Variants in GOLGA6L2 observed in about 807,000 individuals in gnomAD.
The protein encoded by GOLGA6L2 is golgin subfamily A member 6-like protein 2.
GOLGA6L2 carries 30 observed loss-of-function variants against 35.9 expected under a neutral mutation model. The observed-to-expected ratio is 0.83, with a 90% CI of 0.62 to 1.13. GOLGA6L2 has a LOEUF of 1.13. GOLGA6L2 is among the 50% of genes most tolerant of loss of function. GOLGA6L2 has a pLI of 0.00. For missense variants in GOLGA6L2, 821 were observed against 973.4 expected (o/e 0.84, Z 2.08); for synonymous variants, 297 against 344.0 (o/e 0.86, Z 1.51).
Position 23,446,880 on chromosome 15 carries a change from C to T in GOLGA6L2, c.84+218G>A, listed in dbSNP as rs528093487. Among the ~76,000 whole-genome samples, 263 of 152,034 alleles carry T rather than the reference C, an allele frequency of 1.7e-3. 8 individuals are homozygous for T. The highest frequency in any genetic ancestry group is 0.016 in the Admixed American group (248 of 15,290). The stretch of plus-strand genomic sequence containing the variant: ...ACGGAGTGGAGAGCCCCAGGGTTCA[C>T]CGGCTCAGTCACCCTGGGGTCACTG... On this transcript the variant is annotated intron_variant, in intron 1 of 7. Coordinates refer to ENST00000567107, the MANE Select transcript of GOLGA6L2 (RefSeq NM_001304388.2).
At position 23,439,447 on chromosome 15, in the gene GOLGA6L2, CTTTTTTTTTTT is replaced by C. The variant is rs74627979; in HGVS notation, c.*287_*297del. 3 of 417,646 alleles carry C rather than the reference CTTTTTTTTTTT, an allele frequency of 7.2e-6. No individual in the cohort carries two copies. Among genetic ancestry groups the C allele is most frequent in the Non-Finnish European group, 1.2e-5 (3 of 257,854 alleles). 25.9% of individuals were successfully genotyped at this position (417,646 alleles called of 1,614,324 possible). On this transcript the variant is annotated 3_prime_UTR_variant, in exon 8 of 8. Transcript: ENST00000567107. Reference sequence around the variant, plus strand: ...CACAATTTAAAGTAAATTTTCTTTTCTTTTTTTTTTTTTTTTTCAAGTTTGTGCTCAGACTA... The same window carrying C: ...CACAATTTAAAGTAAATTTTCTTTTCTTTTTTCAAGTTTGTGCTCAGACTA...
intron 5 of GOLGA6L2, among the ~76,000 whole-genome samples, chr15:23,443,081 T>A (rs1459971482): frequency 1.3e-5 from 2 of 152,198 alleles, no homozygotes; most frequent in Non-Finnish European, 2.9e-5. Context: ...ATTGTATAGA[T>A]GCAAAACATG....
At position 23,443,937 on chromosome 15, in the gene GOLGA6L2, G is replaced by A. The variant is rs778339040; in HGVS notation, c.431C>T (p.Ser144Leu). ...CAAAGGACTCCCCCTAAAGGCCTGT[G>A]AAAGTGCCAGGTTGAAGGATGATGG... Reference protein sequence around the residue: ...GTPSSFNLALSQAFRGSPLGC... With the variant: ...GTPSSFNLALLQAFRGSPLGC... The change falls in exon 5 of 8, where the codon TCA becomes TTA. Residue 144 changes from serine to leucine, a missense_variant. Ser to Leu is a moderately radical substitution (Grantham distance 145, BLOSUM62 -2). Coordinates refer to ENST00000567107, the MANE Select transcript of GOLGA6L2 (RefSeq NM_001304388.2). The A allele has an allele frequency of 6.4e-7, 1 of 1,557,256 alleles. No individual in the cohort carries two copies. Among genetic ancestry groups the A allele is most frequent in the Non-Finnish European group, 8.6e-7 (1 of 1,157,998 alleles).
At chr15:23,444,319 G>A in intron 3 of GOLGA6L2, 107 bp from the exon 4 acceptor site, 1 of 1,484,244 alleles carries the variant, frequency 6.7e-7, no homozygotes, top group Non-Finnish European at 9.3e-7. Flanking sequence ...GCACCCATGG[G>A]ACCAGGTTAT....
At chr15:23,446,850 G>A (rs77168685) in intron 1 of GOLGA6L2, among the ~76,000 whole-genome samples, 4,613 of 152,054 alleles carry the variant, frequency 0.03, 237 homozygotes, top group African/African-American at 0.1. Flanking sequence ...AGGTGAGGGC[G>A]GAGTACGGAG....
chr15:23,447,197 G>C lies in GOLGA6L2; in HGVS notation c.-16C>G, dbSNP rs577670756. ...GGGGCCACATCAGCGTGATTCAGAC[G>C]AGGACAAGGATACACCTCCAGTCAC... On this transcript the variant is annotated 5_prime_UTR_variant, in exon 1 of 8. Transcript: ENST00000567107. The C allele has an allele frequency of 1.4e-6, 2 of 1,451,372 alleles. No individual in the cohort carries two copies. Among genetic ancestry groups the C allele is most frequent in the Non-Finnish European group, 1.9e-6 (2 of 1,034,922 alleles). 89.9% of individuals were successfully genotyped at this position (1,451,372 alleles called of 1,614,324 possible). A position where few individuals can be genotyped will look rare whatever the true frequency, so the allele number is the denominator to read the frequency against.
Position 23,442,485 on chromosome 15 carries a change from C to T in GOLGA6L2, c.615G>A (p.Glu205=), listed in dbSNP as rs770254529. 278 of 1,596,360 alleles carry T rather than the reference C, an allele frequency of 1.7e-4. No homozygotes were observed. Among genetic ancestry groups the T allele is most frequent in the Non-Finnish European group, 2.3e-4 (268 of 1,178,454 alleles). Residue 205 remains glutamate, a synonymous_variant, in exon 6 of 8, where the codon GAG becomes GAA. Transcript: ENST00000567107. The part of the protein sequence containing the change: ...ADRYIEELTK[E]RDALSLELYR... ...ACAGTTCCAGACTCAGGGCGTCCCT[C>T]TCCTTTGTTAACTCCTCGATGTACT... is the stretch of plus-strand genomic sequence containing the variant.
In GOLGA6L2 at chr15:23,447,230, G is replaced by A. The variant is rs186634754; in HGVS notation, c.-49C>T. The A allele has an allele frequency of 5.1e-3, 5,413 of 1,053,532 alleles. 50 individuals are homozygous for A. Among genetic ancestry groups the A allele is most frequent in the South Asian group, 0.013 (1,066 of 79,266 alleles). 65.3% of individuals were successfully genotyped at this position (1,053,532 alleles called of 1,614,324 possible). On this transcript the variant is annotated 5_prime_UTR_variant, in exon 1 of 8. Coordinates refer to ENST00000567107, the MANE Select transcript of GOLGA6L2 (RefSeq NM_001304388.2). ...GGATACACCTCCAGTCACGTACCAC[G>A]CAGCTATGTGACTGAGCCAGAGGAG...
At position 23,440,421 on chromosome 15, in the gene GOLGA6L2, C is replaced by G; in HGVS notation, c.2054G>C (p.Gly685Ala). 1 of 1,078,718 alleles carries G rather than the reference C, an allele frequency of 9.3e-7. No homozygotes were observed. The allele number at this position is 1,078,718 out of a possible 1,614,324, so 66.8% of individuals were successfully genotyped here. The change falls in exon 8 of 8, where the codon GGA (glycine) becomes GCA (alanine). Residue 685 changes from glycine (G) to alanine (A), a missense_variant. Transcript: ENST00000567107. ...TCTTCCTGCTCCCACATCTTCTCCTCCTGCTCCCACATCTTCTCCTCCTGC... is the reference window on the plus strand; with the variant it reads ...TCTTCCTGCTCCCACATCTTCTCCTGCTGCTCCCACATCTTCTCCTCCTGC... ...AGAGGEDVGA[G>A]GEDVGAGRRR...
rs764975134 is a variant in GOLGA6L2, at chr15:23,444,166, A to G, written c.290T>C (p.Ile97Thr). The change falls in exon 4 of 8, where the codon ATA becomes ACA. Residue 97 changes from isoleucine (I) to threonine (T), a missense_variant. Around this residue, in one of 7 missense-constraint regions of GOLGA6L2, gnomAD observed 614 missense variants for 632.3 expected, o/e 0.97. Coordinates refer to ENST00000567107, the MANE Select transcript of GOLGA6L2 (RefSeq NM_001304388.2). ...AACTTCACACCCTCCACTCACCTCTATCTCCCGCCTTAGGGCTTCCTGATG... is the reference window on the plus strand; with the variant it reads ...AACTTCACACCCTCCACTCACCTCTGTCTCCCGCCTTAGGGCTTCCTGATG... ...HQHQEALRRE[I>T]EAQDHTIRIL... 3.7e-6 allele frequency: 6 copies of G among 1,604,252 alleles called. No individual in the cohort carries two copies. Among genetic ancestry groups the G allele is most frequent in the Admixed American group, 3.3e-5 (2 of 59,756 alleles).
rs2141084227 is a variant in GOLGA6L2, at chr15:23,444,156, A to C, written c.294+6T>G. ...GACAGGAGGGAACTTCACACCCTCC[A>C]CTCACCTCTATCTCCCGCCTTAGGG... On this transcript the variant is annotated splice_donor_region_variant and intron_variant, in intron 4 of 7. Transcript: ENST00000567107. 6.2e-7 allele frequency: 1 copy of C among 1,603,794 alleles called. No homozygotes were observed. The highest frequency in any genetic ancestry group is 2.2e-5 in the East Asian group (1 of 44,854).
intron 1 of GOLGA6L2, among the ~76,000 whole-genome samples, chr15:23,446,371 C>T (rs910850208): frequency 4.6e-5 from 7 of 152,154 alleles, no homozygotes; most frequent in South Asian, 2.1e-4. Flanking sequence ...TGAAACTTCT[C>T]GCTGCTAGGT....
intron 1 of GOLGA6L2, among the ~76,000 whole-genome samples, chr15:23,446,582 A>G (rs1400697775): frequency 6.6e-6 from 1 of 152,196 alleles, no homozygotes; most frequent in Admixed American, 6.5e-5. Flanking sequence ...CATCAGTGCT[A>G]TGCCCAAGTT....
rs747012003 is a variant in GOLGA6L2 at position 23,441,469 on chromosome 15, CCTT to C, written c.1003_1005del (p.Lys335del). On this transcript the variant is annotated inframe_deletion, in exon 8 of 8. Coordinates refer to ENST00000567107, the MANE Select transcript of GOLGA6L2 (RefSeq NM_001304388.2). Reference sequence around the variant, plus strand: ...CGCAGCTTCTTCTGCTCCCGCAGCTCCTTCTCCTGCTCCCGCAGCTCCTTCTCC... The same window carrying C: ...CGCAGCTTCTTCTGCTCCCGCAGCTCCTCCTGCTCCCGCAGCTCCTTCTCC... 8 of 1,402,914 alleles carry C rather than the reference CCTT, an allele frequency of 5.7e-6. No individual in the cohort carries two copies. Among genetic ancestry groups the C allele is most frequent in the Middle Eastern group, 1.9e-4 (1 of 5,302 alleles). The allele number at this position is 1,402,914 out of a possible 1,614,324, so 86.9% of individuals were successfully genotyped here.
chr15:23,446,199 G>C (rs1886780101), intron 1 of GOLGA6L2, among the ~76,000 whole-genome samples: 1 of 60,222 alleles, frequency 1.7e-5, no homozygotes, highest in South Asian at 6.4e-4. Flanking sequence ...AGAACTTAGA[G>C]AAAACTGTTA....
rs1387626237 is a variant in GOLGA6L2 at position 23,441,418 on chromosome 15, G to A, written c.1057C>T (p.Gln353Ter). The part of the protein sequence containing the change: ...LREQEEQMQE[Q>*]EEKMWEQEEK... ...TCCTGCTCCCACATCTTCTCCTCCT[G>A]CTCCTGCATCTGCTCCTCCTGCTCC... Residue 353 changes from glutamine to a stop codon, truncating the protein, a stop_gained, in exon 8 of 8, where the codon CAG (glutamine) becomes TAG (stop). Transcript: ENST00000567107. LOFTEE classifies it low-confidence loss of function (END_TRUNC). 1.4e-6 allele frequency: 2 copies of A among 1,429,936 alleles called. No homozygotes were observed. Among genetic ancestry groups the A allele is most frequent in the Non-Finnish European group, 1.9e-6 (2 of 1,068,418 alleles). The allele number at this position is 1,429,936 out of a possible 1,614,324, so 88.6% of individuals were successfully genotyped here.
chr15:23,443,920 T>A lies in GOLGA6L2; in HGVS notation c.448A>T (p.Ser150Cys). 1 of 1,550,634 alleles carries A rather than the reference T, an allele frequency of 6.4e-7. No homozygotes were observed. ...NLALSQAFRGSPLGCVSTSLI... is the reference protein window; with the variant it reads ...NLALSQAFRGCPLGCVSTSLI... ...GAGGTTGAGACACAGCCCAAAGGACTCCCCCTAAAGGCCTGTGAAAGTGCC... is the reference window on the plus strand; with the variant it reads ...GAGGTTGAGACACAGCCCAAAGGACACCCCCTAAAGGCCTGTGAAAGTGCC... Residue 150 changes from serine (S) to cysteine (C), a missense_variant, in exon 5 of 8, where the codon AGT becomes TGT. Coordinates refer to ENST00000567107, the MANE Select transcript of GOLGA6L2 (RefSeq NM_001304388.2).
intron 2 of GOLGA6L2, 33 bp from the exon 3 acceptor site, chr15:23,444,533 G>A (rs771642840): frequency 6.3e-7 from 1 of 1,596,234 alleles, no homozygotes; most frequent in African/African-American, 1.3e-5. Context: ...GTGACTGAGG[G>A]TGGCCCCCTG....
In GOLGA6L2 at chr15:23,439,483, A is replaced by G. The variant is rs556541217; in HGVS notation, c.*262T>C. ...TTTTTTTCAAGTTTGTGCTCAGACTATATTCACACAGTGACATGGCGGCTT... is the reference window on the plus strand; with the variant it reads ...TTTTTTTCAAGTTTGTGCTCAGACTGTATTCACACAGTGACATGGCGGCTT... On this transcript the variant is annotated 3_prime_UTR_variant, in exon 8 of 8. Coordinates refer to ENST00000567107, the MANE Select transcript of GOLGA6L2 (RefSeq NM_001304388.2). The G allele has an allele frequency of 2.4e-5, 21 of 872,618 alleles. No homozygotes were observed. In the South Asian group the frequency reaches 2.5e-4, roughly 11 times the overall value. The allele number at this position is 872,618 out of a possible 1,614,324, so 54.1% of individuals were successfully genotyped here.
Sources: allele counts gnomAD v4.1 joint callset (sites outside exome capture counted in the v4.1 genomes callset), GRCh38; gene constraint gnomAD v4.1.1; regional missense constraint gnomAD v4.1.1; transcripts MANE v1.5; gene names NCBI Gene and HGNC (gene_info 2026-07-23, HGNC 2026-07-21).